TSN: variants seen among roughly 807,000 people sequenced by gnomAD.
TSN encodes translin.
Under a neutral mutation model 29.4 loss-of-function variants are expected in TSN, and 5 were observed. That is an observed-to-expected ratio of 0.17 (90% CI 0.09 to 0.36). TSN has a LOEUF of 0.36. Among genes scored for constraint, TSN ranks in the 10% least tolerant of loss-of-function variants. The probability of loss-of-function intolerance (pLI) is 1.00; values close to 1 mark genes in which losing one functional copy is unlikely to be tolerated. For synonymous variants in TSN, 106 were observed against 102.2 expected (o/e 1.04, Z -0.23); for missense variants, 159 against 272.8 (o/e 0.58, Z 2.94).
At chr2:121,756,191 C>T in intron 1 of TSN, 1 of 345,040 alleles carries the variant, frequency 2.9e-6, no homozygotes, top group Middle Eastern at 9.6e-4. Flanking sequence ...ATGTGATCTG[C>T]TTAAAACTCT....
In TSN at chr2:121,765,489, C is replaced by A; in HGVS notation, c.*122C>A. ...AAACACTGCGCTTTATTTTCTTAAC[C>A]AGTTGTGGTGTGAGTATCAGAATTG... is the stretch of plus-strand genomic sequence containing the variant. On this transcript the variant is annotated 3_prime_UTR_variant, in exon 6 of 6. Transcript: ENST00000389682. 2 of 893,330 alleles carry A rather than the reference C, an allele frequency of 2.2e-6. No homozygotes were observed. The highest frequency in any genetic ancestry group is 3.4e-6 in the Non-Finnish European group (2 of 583,350). 55.3% of individuals were successfully genotyped at this position (893,330 alleles called of 1,614,324 possible).
chr2:121,757,186 G>T (rs1468722110), intron 1 of TSN, 54 bp from the exon 2 acceptor site: 1 of 1,513,474 alleles, frequency 6.6e-7, no homozygotes, highest in Non-Finnish European at 9.2e-7. Flanking sequence ...TTTTGTGTGA[G>T]TGTATGACAA....
At chr2:121,758,568 G>C (rs1297290386) in intron 2 of TSN, 142 bp from the exon 3 acceptor site, 1 of 486,094 alleles carries the variant, frequency 2.1e-6, no homozygotes, top group Non-Finnish European at 3.5e-6. Context: ...TATTTTGAAA[G>C]CCAGGTTGAA....
chr2:121,756,620 A>G (rs1431888703), intron 1 of TSN: 1 of 1,298,232 alleles, frequency 7.7e-7, no homozygotes, highest in Admixed American at 2.3e-5. Context: ...AAAATGAATT[A>G]GAGGCGGGGA....
In TSN at chr2:121,758,852, A is replaced by G. The variant is rs146793534; in HGVS notation, c.257+46A>G. ...TATTTTATAATGTTAAGTAAAAAAA[A>G]GGAGAAAAATTATGTGTACCAAATG... On this transcript the variant is annotated intron_variant, in intron 3 of 5. Transcript: ENST00000389682. 1.3e-5 allele frequency: 18 copies of G among 1,339,564 alleles called. 1 individual carries two copies. In the African/African-American group the frequency reaches 1.8e-4, roughly 13 times the overall value. 83.0% of individuals were successfully genotyped at this position (1,339,564 alleles called of 1,614,324 possible).
chr2:121,767,115 A>G lies in TSN; in HGVS notation c.*1748A>G, dbSNP rs530797018. 1 of 152,312 alleles carries G rather than the reference A, an allele frequency of 6.6e-6. No individual in the cohort carries two copies. The highest frequency in any genetic ancestry group is 2.1e-4 in the South Asian group (1 of 4,828). The allele number at this position is 152,312 out of a possible 1,614,324, so 9.4% of individuals were successfully genotyped here. The stretch of plus-strand genomic sequence containing the variant: ...TTAAGTATTGATTCTGCTTGAGAAT[A>G]TTGAAGTACTTGCCAGAAGTTGTGG... On this transcript the variant is annotated 3_prime_UTR_variant, in exon 6 of 6. Coordinates refer to ENST00000389682, the MANE Select transcript of TSN (RefSeq NM_004622.3).
chr2:121,760,313 G>GC (rs1235853437), intron 3 of TSN, among the ~76,000 whole-genome samples: 5 of 152,206 alleles, frequency 3.3e-5, no homozygotes, highest in Admixed American at 3.3e-4. Flanking sequence ...GAAACCATCC[G>GC]CCCCCCTTCT....
rs2074892186 is a variant in TSN at position 121,765,658 on chromosome 2, C to A, written c.*291C>A. The A allele has an allele frequency of 4.8e-6, 2 of 416,458 alleles. No individual in the cohort carries two copies. The highest frequency in any genetic ancestry group is 5.3e-5 in the South Asian group (2 of 38,092). The allele number at this position is 416,458 out of a possible 1,614,324, so 25.8% of individuals were successfully genotyped here. A position where few individuals can be genotyped will look rare whatever the true frequency, so the allele number is the denominator to read the frequency against. On this transcript the variant is annotated 3_prime_UTR_variant, in exon 6 of 6. Coordinates refer to ENST00000389682, the MANE Select transcript of TSN (RefSeq NM_004622.3). ...GTTTCTTGGTAAAGTCCTTTTCTTG[C>A]TTACCTTGACTGTTGATGTACTGAT...
In TSN at chr2:121,766,507, T is replaced by G. The variant is rs1213755916; in HGVS notation, c.*1140T>G. On this transcript the variant is annotated 3_prime_UTR_variant, in exon 6 of 6. Transcript: ENST00000389682. Reference sequence around the variant, plus strand: ...TGGGATTTGGTAATGTGTTTTAGAGTAAGAAATTTCAGGTTGTTGGTGACT... The same window carrying G: ...TGGGATTTGGTAATGTGTTTTAGAGGAAGAAATTTCAGGTTGTTGGTGACT... 11 of 152,026 alleles carry G rather than the reference T, an allele frequency of 7.2e-5. No homozygotes were observed. Among genetic ancestry groups the G allele is most frequent in the Non-Finnish European group, 1.5e-5 (1 of 68,014 alleles). The allele number at this position is 152,026 out of a possible 1,614,324, so 9.4% of individuals were successfully genotyped here. A position where few individuals can be genotyped will look rare whatever the true frequency, so the allele number is the denominator to read the frequency against.
chr2:121,764,796 C>T (rs754662568), intron 5 of TSN, among the ~76,000 whole-genome samples: 65 of 152,128 alleles, frequency 4.3e-4, no homozygotes, highest in Admixed American at 1.4e-3. Flanking sequence ...GGTAGTGGAG[C>T]TGCTGTGATT....
intron 5 of TSN, 51 bp downstream of exon 5, chr2:121,763,135 C>G: frequency 1.5e-6 from 1 of 668,400 alleles, no homozygotes; most frequent in Non-Finnish European, 2.3e-6. Flanking sequence ...GCTTCACTGT[C>G]AGTTTTTTTT....
chr2:121,756,273 T>C lies in TSN; in HGVS notation c.66+428T>C, dbSNP rs1225707909. On this transcript the variant is annotated intron_variant, in intron 1 of 5. Transcript: ENST00000389682. ...TGGCTCACATGGTTTCTCTTCAATC[T>C]CGTTTATGCTCTCTGTCTTTGTGTA... 13 of 238,922 alleles carry C rather than the reference T, an allele frequency of 5.4e-5. No individual in the cohort carries two copies. In the East Asian group the frequency reaches 1.4e-3, roughly 26 times the overall value. The allele number at this position is 238,922 out of a possible 1,614,324, so 14.8% of individuals were successfully genotyped here. A position where few individuals can be genotyped will look rare whatever the true frequency, so the allele number is the denominator to read the frequency against.
chr2:121,762,017 A>C (rs1573390409), intron 4 of TSN, among the ~76,000 whole-genome samples: 1 of 139,074 alleles, frequency 7.2e-6, no homozygotes, highest in South Asian at 2.3e-4. Context: ...TCCGAAATGG[A>C]GTTTTGCTCT....
At chr2:121,758,929 A>G in intron 3 of TSN, 123 bp downstream of exon 3, 1 of 568,086 alleles carries the variant, frequency 1.8e-6, no homozygotes, top group Non-Finnish European at 2.7e-6. Flanking sequence ...AAAGAGAAAA[A>G]ACCGAACTAA....
chr2:121,760,195 T>G (rs530585591), intron 3 of TSN, among the ~76,000 whole-genome samples: 1 of 152,364 alleles, frequency 6.6e-6, no homozygotes, highest in African/African-American at 2.4e-5. Context: ...CATTCGATTC[T>G]CATAGTAGTG....
At chr2:121,759,270 A>ATTATT (rs1420004709) in intron 3 of TSN, among the ~76,000 whole-genome samples, 1 of 152,148 alleles carries the variant, frequency 6.6e-6, no homozygotes, top group African/African-American at 2.4e-5. Context: ...AAGATACACC[A>ATTATT]TTATTTTATG....
chr2:121,760,877 T>C (rs1453824697), intron 3 of TSN, among the ~76,000 whole-genome samples: 1 of 150,454 alleles, frequency 6.6e-6, no homozygotes, highest in Non-Finnish European at 1.5e-5. Flanking sequence ...CTGTCTTTTT[T>C]TTTTTTTTTT....
At chr2:121,763,542 T>C (rs913055726) in intron 5 of TSN, among the ~76,000 whole-genome samples, 1 of 152,212 alleles carries the variant, frequency 6.6e-6, no homozygotes, top group Admixed American at 6.5e-5. Context: ...TGGCACTGTA[T>C]GTGTTACAAT....
rs2074889237 is a variant in TSN at position 121,765,404 on chromosome 2, G to A, written c.*37G>A. On this transcript the variant is annotated 3_prime_UTR_variant, in exon 6 of 6. Coordinates refer to ENST00000389682, the MANE Select transcript of TSN (RefSeq NM_004622.3). ...TGCTCCTGGCCTTGCTGACCTCAGC[G>A]GTTGCCAGGAAGGGGTGAGCACAGA... The A allele has an allele frequency of 6.2e-7, 1 of 1,603,694 alleles. No individual in the cohort carries two copies.
Sources: gnomAD v4.1 joint callset for allele counts (sites outside exome capture counted in the v4.1 genomes callset) on GRCh38, gnomAD v4.1.1 for gene constraint, MANE v1.5 for transcripts, NCBI Gene and HGNC (gene_info 2026-07-23, HGNC 2026-07-21) for gene names.